OGDH: variants seen among roughly 807,000 people sequenced by gnomAD.
OGDH encodes oxoglutarate dehydrogenase, also known as 2-oxoglutarate dehydrogenase complex component E1.
A neutral mutation model predicts 116.6 loss-of-function variants in OGDH; 38 were observed. That is an observed-to-expected ratio of 0.33 (90% confidence interval 0.25 to 0.43). OGDH has a LOEUF of 0.43. OGDH is among the 20% of genes least tolerant of loss of function. The pLI is 1.00. For missense variants in OGDH, 825 were observed against 1,357.2 expected (o/e 0.61, Z 6.16); for synonymous variants, 488 against 533.3 (o/e 0.92, Z 1.17).
intron 1 of OGDH, among the ~76,000 whole-genome samples, chr7:44,616,138 G>A (rs567580861): frequency 6.6e-6 from 1 of 151,966 alleles, no homozygotes; most frequent in African/African-American, 2.4e-5. Flanking sequence ...TAAATGTAAC[G>A]CCTCATGTTT....
At chr7:44,680,316 A>C (rs973109130) in intron 9 of OGDH, among the ~76,000 whole-genome samples, 4 of 152,138 alleles carry the variant, frequency 2.6e-5, no homozygotes, top group Non-Finnish European at 5.9e-5. Flanking sequence ...TGACTAATAC[A>C]AGGGTTTTAA....
At chr7:44,673,974 A>G in intron 6 of OGDH, 33 bp downstream of exon 6, 1 of 1,612,826 alleles carries the variant, frequency 6.2e-7, no homozygotes, top group African/African-American at 1.3e-5. Context: ...TGGGGCAGAC[A>G]TTCCCAGGGA....
intron 9 of OGDH, 46 bp downstream of exon 9, chr7:44,676,195 T>C (rs746206259): frequency 1.9e-6 from 3 of 1,613,762 alleles, no homozygotes; most frequent in African/African-American, 1.3e-5. Flanking sequence ...CAAGGCCCCA[T>C]GTTCCAGCAT....
intron 1 of OGDH, among the ~76,000 whole-genome samples, chr7:44,607,866 T>C (rs1282470306): frequency 6.6e-6 from 1 of 152,078 alleles, no homozygotes; most frequent in Admixed American, 6.6e-5. Flanking sequence ...CACGCCCGGC[T>C]AATTTTTGTA....
chr7:44,645,551 G>A (rs1786136373), intron 3 of OGDH, 33 bp downstream of exon 3: 2 of 1,606,250 alleles, frequency 1.2e-6, no homozygotes, highest in East Asian at 2.2e-5. Context: ...ACACGGGAAA[G>A]GGTGCAGTGT....
chr7:44,617,332 G>A (rs1392729177), intron 1 of OGDH, among the ~76,000 whole-genome samples: 1 of 152,110 alleles, frequency 6.6e-6, no homozygotes, highest in Non-Finnish European at 1.5e-5. Flanking sequence ...AGTAATTACT[G>A]TCTCCACTTT....
intron 4 of OGDH, among the ~76,000 whole-genome samples, chr7:44,665,207 T>C (rs1028644829): frequency 6.7e-6 from 1 of 149,642 alleles, no homozygotes; most frequent in African/African-American, 2.5e-5. Context: ...TGCTGTGCCC[T>C]CAGTGTTGAC....
chr7:44,645,469 A>T lies in OGDH; in HGVS notation c.365A>T (p.Lys122Met). The T allele has an allele frequency of 6.2e-7, 1 of 1,614,206 alleles. No homozygotes were observed. The highest frequency in any genetic ancestry group is 8.5e-7 in the Non-Finnish European group (1 of 1,180,036). The change falls in exon 3 of 23, where the codon AAG becomes ATG. Residue 122 changes from lysine (K) to methionine (M), a missense_variant. This residue lies in a region of OGDH where 171 missense variants were observed against 276.8 expected (regional missense o/e 0.62). Coordinates refer to ENST00000222673, the MANE Select transcript of OGDH (RefSeq NM_002541.4). ...GTAGAAGCACAGCCCAACGTGGACA[A>T]GCTCGTGGAGGACCACCTGGCAGTG... ...SLVEAQPNVD[K>M]LVEDHLAVQS...
rs771142279 is a variant in OGDH at position 44,673,461 on chromosome 7, C to T, written c.634-326C>T. Among the ~76,000 whole-genome samples, 20 of 152,348 alleles carry T rather than the reference C, an allele frequency of 1.3e-4. No individual in the cohort carries two copies. In the Middle Eastern group the frequency reaches 0.014, roughly 104 times the overall value. On this transcript the variant is annotated intron_variant, in intron 5 of 22. Transcript: ENST00000222673. ...AGCCTGTCTTCCCTGGGGAAGGACC[C>T]AGTTCCACAACTGTTGCGGTCTGTG...
chr7:44,614,939 T>C (rs1784714326), intron 1 of OGDH, among the ~76,000 whole-genome samples: 1 of 150,662 alleles, frequency 6.6e-6, no homozygotes. Context: ...CAAGCGATTC[T>C]CCTGCCTCAG....
intron 12 of OGDH, among the ~76,000 whole-genome samples, chr7:44,695,086 GT>G (rs1211206318): frequency 3.4e-5 from 5 of 148,986 alleles, no homozygotes; most frequent in African/African-American, 9.9e-5. Context: ...TTGTGAACCA[GT>G]TTTTTTTTTG....
intron 1 of OGDH, among the ~76,000 whole-genome samples, chr7:44,607,782 C>T (rs758181156): frequency 6.6e-6 from 1 of 152,132 alleles, no homozygotes; most frequent in Non-Finnish European, 1.5e-5. Context: ...CTCACTGCAA[C>T]CTCTGCCTTC....
At chr7:44,652,632 C>T (rs1216580787) in intron 4 of OGDH, among the ~76,000 whole-genome samples, 1 of 152,080 alleles carries the variant, frequency 6.6e-6, no homozygotes, top group Non-Finnish European at 1.5e-5. Context: ...GACTCCTGGG[C>T]TCAAGCAACC....
chr7:44,617,735 G>A (rs1226939085), intron 1 of OGDH, among the ~76,000 whole-genome samples: 1 of 152,126 alleles, frequency 6.6e-6, no homozygotes, highest in Non-Finnish European at 1.5e-5. Flanking sequence ...AAAAGAAAGT[G>A]GATGAGTTGT....
rs537240299 is a variant in OGDH, at chr7:44,670,758, C to A, written c.634-3029C>A. ...GGGCGTGGTGGCTCAAGCCTGTAAT[C>A]CCAGCACTTTGGGAGGCCAAGGCGG... is the stretch of plus-strand genomic sequence containing the variant. On this transcript the variant is annotated intron_variant, in intron 5 of 22. Coordinates refer to ENST00000222673, the MANE Select transcript of OGDH (RefSeq NM_002541.4). 4.3e-4 allele frequency among the ~76,000 whole-genome samples: 66 copies of A among 151,994 alleles called. 1 individual carries two copies. The South Asian group carries it at 0.011, about 26-fold the overall frequency.
intron 3 of OGDH, among the ~76,000 whole-genome samples, chr7:44,645,893 C>A (rs911919601): frequency 6.6e-6 from 1 of 152,110 alleles, no homozygotes; most frequent in Non-Finnish European, 1.5e-5. Flanking sequence ...GTGGTTGATG[C>A]CCCCTTCTCA....
intron 1 of OGDH, among the ~76,000 whole-genome samples, chr7:44,624,039 G>C (rs2117290165): frequency 6.6e-6 from 1 of 152,232 alleles, no homozygotes; most frequent in Admixed American, 6.5e-5. Context: ...AGGTGCAAGA[G>C]TGTGTTTCAG....
chr7:44,612,543 C>T (rs1001360751), intron 1 of OGDH, among the ~76,000 whole-genome samples: 26 of 151,698 alleles, frequency 1.7e-4, no homozygotes, highest in African/African-American at 6.1e-4. Flanking sequence ...ACCACCACAC[C>T]CTGCTAATTT....
At chr7:44,696,866 A>G in intron 14 of OGDH, 48 bp from the exon 15 acceptor site, 5 of 1,554,204 alleles carry the variant, frequency 3.2e-6, no homozygotes, top group South Asian at 1.2e-5. Context: ...CAAGGCAGGC[A>G]TGTGCAGGCA....
Sources: allele counts gnomAD v4.1 joint callset (sites outside exome capture counted in the v4.1 genomes callset), GRCh38; gene constraint gnomAD v4.1.1; regional missense constraint gnomAD v4.1.1; transcripts MANE v1.5; gene names NCBI Gene and HGNC (gene_info 2026-07-23, HGNC 2026-07-21).